The following ARHGEF10L variants were observed in gnomAD, a reference collection of about 807,000 sequenced individuals.
ARHGEF10L encodes the protein rho guanine nucleotide exchange factor 10-like protein.
Under a neutral mutation model 141.2 loss-of-function variants are expected in ARHGEF10L, and 69 were observed. That is an observed-to-expected ratio of 0.49 (90% CI 0.40 to 0.60). The LOEUF (loss-of-function observed/expected upper bound fraction) is 0.60, where lower values mean the gene tolerates loss of function less well. Ranked by LOEUF, ARHGEF10L falls within the 20% of genes least tolerant of loss-of-function variation. The probability of loss-of-function intolerance (pLI) is 0.00; values close to 1 mark genes in which losing one functional copy is unlikely to be tolerated. For synonymous variants in ARHGEF10L, 711 were observed against 718.5 expected, an observed-to-expected ratio of 0.99 and a Z score of 0.17; for missense variants, 1,482 against 1,734.3, an observed-to-expected ratio of 0.85 and a Z score of 2.58.
chr1:17,679,533 G>T (rs896640982), intron 26 of ARHGEF10L, among the ~76,000 whole-genome samples: 1 of 152,206 alleles, frequency 6.6e-6, no homozygotes, highest in Non-Finnish European at 1.5e-5. Context: ...CCCTAGGTTT[G>T]AATTTGGCTT....
chr1:17,556,249 A>G lies in ARHGEF10L; in HGVS notation c.-44+16299A>G, dbSNP rs866480150. Among the ~76,000 whole-genome samples, 242 of 49,716 alleles carry G rather than the reference A, an allele frequency of 4.9e-3. 1 individual carries two copies. Among genetic ancestry groups the G allele is most frequent in the African/African-American group, 0.02 (228 of 11,352 alleles). 32.6% of individuals were successfully genotyped at this position (49,716 alleles called of 152,430 possible). ...CACGGAGGTGAGCCTGGGAGCATAG[A>G]GGTGGGCCTGGGAGCATGGCGGCGG... On this transcript the variant is annotated intron_variant, in intron 1 of 28. Coordinates refer to ENST00000361221, the MANE Select transcript of ARHGEF10L (RefSeq NM_018125.4).
At chr1:17,533,157 T>C in the ARHGEF10L span, among the ~76,000 whole-genome samples, 2 of 152,190 alleles carry the variant, frequency 1.3e-5, no homozygotes, top group African/African-American at 4.8e-5. Context: ...CAGGTCTTCT[T>C]GACGAACATT....
At chr1:17,691,327 G>A (rs917900307) in intron 27 of ARHGEF10L, 4 of 285,598 alleles carry the variant, frequency 1.4e-5, no homozygotes, top group Non-Finnish European at 2.7e-5. Context: ...GAAGGCCCCA[G>A]AATGAGGTCT....
At chr1:17,524,137 G>A in the ARHGEF10L span, among the ~76,000 whole-genome samples, 1 of 152,034 alleles carries the variant, frequency 6.6e-6, no homozygotes, top group African/African-American at 2.4e-5. Context: ...GCTGGGCATG[G>A]TGTTGTGCAC....
At chr1:17,637,548 G>T (rs767663664) in intron 18 of ARHGEF10L, among the ~76,000 whole-genome samples, 2 of 152,068 alleles carry the variant, frequency 1.3e-5, no homozygotes, top group African/African-American at 4.8e-5. Flanking sequence ...ACCCAGGCTG[G>T]AGTGCAGTGG....
At chr1:17,598,308 G>A (rs2100860808) in intron 4 of ARHGEF10L, among the ~76,000 whole-genome samples, 1 of 152,198 alleles carries the variant, frequency 6.6e-6, no homozygotes, top group South Asian at 2.1e-4. Context: ...CACCATATTG[G>A]CCAGGCTGGT....
chr1:17,645,389 C>T (rs151302775), intron 21 of ARHGEF10L, among the ~76,000 whole-genome samples: 49 of 152,070 alleles, frequency 3.2e-4, no homozygotes, highest in Admixed American at 7.2e-4. Flanking sequence ...AAAAAAAATA[C>T]GTATGAATAA....
chr1:17,587,313 C>G (rs2079106114), intron 2 of ARHGEF10L, 147 bp from the exon 3 acceptor site: 1 of 788,678 alleles, frequency 1.3e-6, no homozygotes, highest in Non-Finnish European at 2.0e-6. Context: ...ACTGTAGGGC[C>G]ATGTGGCTTG....
At chr1:17,566,747 C>T (rs543410354) in intron 1 of ARHGEF10L, among the ~76,000 whole-genome samples, 30 of 152,272 alleles carry the variant, frequency 2.0e-4, no homozygotes, top group African/African-American at 6.5e-4. Flanking sequence ...AGTTCAGCCC[C>T]GGTATTCTCC....
intron 26 of ARHGEF10L, among the ~76,000 whole-genome samples, chr1:17,679,883 T>C (rs2102401442): frequency 6.6e-6 from 1 of 152,132 alleles, no homozygotes; most frequent in African/African-American, 2.4e-5. Flanking sequence ...CAGGTGATCG[T>C]GGGTGATCTC....
intron 1 of ARHGEF10L, among the ~76,000 whole-genome samples, chr1:17,552,603 T>A (rs868270399): frequency 1.9e-5 from 2 of 103,062 alleles, no homozygotes; most frequent in Non-Finnish European, 3.9e-5. Context: ...TTTTTTTTTT[T>A]AGTAGATACA....
intron 27 of ARHGEF10L, among the ~76,000 whole-genome samples, chr1:17,693,163 A>G (rs2065229702): frequency 6.6e-6 from 1 of 152,218 alleles, no homozygotes; most frequent in Non-Finnish European, 1.5e-5. Context: ...AAAGAAAATA[A>G]CACATTCAGT....
At chr1:17,696,782 A>C in intron 28 of ARHGEF10L, 66 bp from the exon 29 acceptor site, 1 of 1,426,280 alleles carries the variant, frequency 7.0e-7, no homozygotes, top group Non-Finnish European at 9.4e-7. Context: ...CAGGAGAGAG[A>C]CTCAGGTGCT....
At chr1:17,599,733 G>A (rs1049108771) in intron 4 of ARHGEF10L, among the ~76,000 whole-genome samples, 1 of 152,154 alleles carries the variant, frequency 6.6e-6, no homozygotes, top group African/African-American at 2.4e-5. Flanking sequence ...CAAATGTGCT[G>A]CCTTCCTTGC....
intron 7 of ARHGEF10L, among the ~76,000 whole-genome samples, chr1:17,608,378 C>T (rs1370359745): frequency 1.3e-5 from 2 of 152,224 alleles, no homozygotes; most frequent in South Asian, 2.1e-4. Flanking sequence ...TTGCTCTCCC[C>T]GCCTTCTGGG....
intron 23 of ARHGEF10L, among the ~76,000 whole-genome samples, chr1:17,655,397 C>A (rs1432137293): frequency 1.3e-5 from 2 of 152,050 alleles, no homozygotes; most frequent in Admixed American, 1.3e-4. Flanking sequence ...CCCATCCATT[C>A]ATTCACCGAT....
chr1:17,605,455 A>T (rs937583104), intron 6 of ARHGEF10L, among the ~76,000 whole-genome samples: 2 of 152,166 alleles, frequency 1.3e-5, no homozygotes, highest in South Asian at 2.1e-4. Flanking sequence ...GGGGACCCTT[A>T]TGTGGTCCCT....
Position 17,654,052 on chromosome 1 carries a change from G to A in ARHGEF10L, c.2395-584G>A, listed in dbSNP as rs544527793. Among the ~76,000 whole-genome samples the A allele has an allele frequency of 7.2e-4, 110 of 152,340 alleles. 1 individual carries two copies. Among genetic ancestry groups the A allele is most frequent in the African/African-American group, 2.5e-3 (102 of 41,588 alleles). On this transcript the variant is annotated intron_variant, in intron 22 of 28. Transcript: ENST00000361221. The surrounding 1 kb of genome is among the most constrained non-coding windows in gnomAD (Gnocchi z 4.3). ...TTCTCCTTCAGTGTGGCCCATGAGT[G>A]GGCCAGGCCATTTCCTAGAATTGCT...
the ARHGEF10L span, among the ~76,000 whole-genome samples, chr1:17,531,815 G>A: frequency 2.5e-4 from 38 of 152,346 alleles, no homozygotes; most frequent in African/African-American, 9.1e-4. Flanking sequence ...CCATTGTTCT[G>A]AGTGGAGATG....
Sources: allele counts gnomAD v4.1 joint callset (sites outside exome capture counted in the v4.1 genomes callset), GRCh38; gene constraint gnomAD v4.1.1; non-coding constraint Gnocchi (gnomAD v3.1); transcripts MANE v1.5; gene names NCBI Gene and HGNC (gene_info 2026-07-23, HGNC 2026-07-21).